The following PDF variants were observed in gnomAD, a reference collection of about 807,000 sequenced individuals.
PDF encodes the protein peptide deformylase, mitochondrial.
PDF carries 31 observed loss-of-function variants against 20.3 expected under a neutral mutation model. The observed-to-expected ratio is 1.52, with a 90% CI of 1.15 to 2.06. PDF has a LOEUF of 2.06. PDF is among the 30% of genes most tolerant of loss of function. PDF has a pLI of 0.00. For synonymous variants in PDF, 254 were observed against 172.0 expected (o/e 1.48, Z -3.73); for missense variants, 447 against 362.5 (o/e 1.23, Z -1.89).
rs1002918508 is a variant in PDF, at chr16:69,330,106, G to A, written c.465C>T (p.Asn155=). 8.8e-6 allele frequency: 14 copies of A among 1,583,574 alleles called. No homozygotes were observed. The highest frequency in any genetic ancestry group is 1.4e-5 in the African/African-American group (1 of 72,456). The change falls in exon 1 of 2, where the codon AAC becomes AAT. Residue 155 remains asparagine (N), a synonymous_variant. Coordinates refer to ENST00000288022, the MANE Select transcript of PDF (RefSeq NM_022341.2). ...MEPFPLRVFV[N]PSLRVLDSRL... ...GGCTGTCAAGCACTCGCAGGCTGGG[G>A]TTCACGAACACGCGCAGGGGGAAGG...
rs1236382015 is a variant in PDF at position 69,330,543 on chromosome 16, G to A, written c.28C>T (p.Leu10Phe). The A allele has an allele frequency of 9.5e-6, 14 of 1,476,352 alleles. No homozygotes were observed. The highest frequency in any genetic ancestry group is 2.6e-5 in the South Asian group (2 of 77,556). The allele number at this position is 1,476,352 out of a possible 1,614,324, so 91.5% of individuals were successfully genotyped here. The change falls in exon 1 of 2, where the codon CTT becomes TTT. Residue 10 changes from leucine (L) to phenylalanine (F), a missense_variant. Physicochemically the swap from Leu to Phe is conservative, Grantham distance 22. Coordinates refer to ENST00000288022, the MANE Select transcript of PDF (RefSeq NM_022341.2). MARLWGALSLWPLWAAVPWG... is the reference protein window; with the variant it reads MARLWGALSFWPLWAAVPWG... ...GGCACGGCCGCCCACAGTGGCCAAA[G>A]ACTCAGCGCGCCCCACAGCCGGGCC...
Position 69,329,099 on chromosome 16 carries a change from G to C in PDF, c.655C>G (p.Leu219Val). 1 of 1,612,124 alleles carries C rather than the reference G, an allele frequency of 6.2e-7. No individual in the cohort carries two copies. The highest frequency in any genetic ancestry group is 8.5e-7 in the Non-Finnish European group (1 of 1,179,628). Residue 219 changes from leucine (L) to valine (V), a missense_variant, in exon 2 of 2, where the codon CTG (leucine) becomes GTG (valine). Coordinates refer to ENST00000288022, the MANE Select transcript of PDF (RefSeq NM_022341.2). ...ARIIQHEMDHLQGCLFIDKMD... is the reference protein window; with the variant it reads ...ARIIQHEMDHVQGCLFIDKMD... ...TTGTCAATAAACAGGCAGCCCTGCA[G>C]GTGGTCCATCTCGTGCTGGATGATG...
In PDF at chr16:69,330,526, C is replaced by T. The variant is rs978025503; in HGVS notation, c.45G>A (p.Ala15=). Residue 15 remains alanine, a synonymous_variant, in exon 1 of 2, where the codon GCG becomes GCA. Transcript: ENST00000288022. ...WGALSLWPLW[A]AVPWGGAAAV... ...CTGCCGCCCCGCCCCACGGCACGGC[C>T]GCCCACAGTGGCCAAAGACTCAGCG... 1.4e-6 allele frequency: 2 copies of T among 1,476,604 alleles called. No homozygotes were observed. The highest frequency in any genetic ancestry group is 1.8e-6 in the Non-Finnish European group (2 of 1,122,592). 91.5% of individuals were successfully genotyped at this position (1,476,604 alleles called of 1,614,324 possible).
In PDF at chr16:69,330,539, C is replaced by T; in HGVS notation, c.32G>A (p.Trp11Ter). MARLWGALSL[W>*]PLWAAVPWGG... is the part of the protein sequence containing the mutation. Reference sequence around the variant, plus strand: ...CCACGGCACGGCCGCCCACAGTGGCCAAAGACTCAGCGCGCCCCACAGCCG... The same window carrying T: ...CCACGGCACGGCCGCCCACAGTGGCTAAAGACTCAGCGCGCCCCACAGCCG... The change falls in exon 1 of 2, where the codon TGG becomes TAG. Residue 11 changes from tryptophan (W) to a stop codon, truncating the protein, a stop_gained. Transcript: ENST00000288022. LOFTEE classifies it high-confidence loss of function. The T allele has an allele frequency of 6.8e-7, 1 of 1,478,854 alleles. No homozygotes were observed. The highest frequency in any genetic ancestry group is 8.9e-7 in the Non-Finnish European group (1 of 1,123,698). The allele number at this position is 1,478,854 out of a possible 1,614,324, so 91.6% of individuals were successfully genotyped here. A position where few individuals can be genotyped will look rare whatever the true frequency, so the allele number is the denominator to read the frequency against.
rs1057315956 is a variant in PDF at position 69,328,811 on chromosome 16, TCTC to T, written c.*208_*210del. On this transcript the variant is annotated 3_prime_UTR_variant, in exon 2 of 2. Coordinates refer to ENST00000288022, the MANE Select transcript of PDF (RefSeq NM_022341.2). ...TGTCCACTCCTTTGGGGGTGATTTT[TCTC>T]CTCAAGTTGTAGCCAACATTTTGTC... 9.7e-5 allele frequency: 59 copies of T among 607,138 alleles called. No homozygotes were observed. Among genetic ancestry groups the T allele is most frequent in the East Asian group, 5.5e-4 (17 of 31,176 alleles). The allele number at this position is 607,138 out of a possible 1,614,324, so 37.6% of individuals were successfully genotyped here.
intron 1 of PDF, among the ~76,000 whole-genome samples, chr16:69,329,470 T>C (rs557158340): frequency 7.9e-5 from 12 of 152,350 alleles, no homozygotes; most frequent in Admixed American, 1.3e-4. Flanking sequence ...CTCCCACTTC[T>C]GAGGTACCTG....
In PDF at chr16:69,329,158, T is replaced by C. The variant is rs1567428330; in HGVS notation, c.596A>G (p.Gln199Arg). ...CCACCCGCTCGCCTGCCACACCACC[T>C]GTTCTCCATTGGGGTCCAGCCCTGC... ...QISGLDPNGE[Q>R]VVWQASGWAA... Residue 199 changes from glutamine to arginine, a missense_variant, in exon 2 of 2, where the codon CAG (glutamine) becomes CGG (arginine). Gln to Arg is a conservative substitution (Grantham distance 43). Coordinates refer to ENST00000288022, the MANE Select transcript of PDF (RefSeq NM_022341.2). 3 of 1,606,788 alleles carry C rather than the reference T, an allele frequency of 1.9e-6. No homozygotes were observed. Among genetic ancestry groups the C allele is most frequent in the Non-Finnish European group, 2.5e-6 (3 of 1,178,342 alleles).
intron 1 of PDF, among the ~76,000 whole-genome samples, chr16:69,329,650 C>T (rs1310147824): frequency 2.0e-5 from 3 of 152,254 alleles, no homozygotes; most frequent in Admixed American, 6.5e-5. Flanking sequence ...GCCCCCTGGG[C>T]TGGGTCAGGC....
chr16:69,328,878 T>A lies in PDF; in HGVS notation c.*144A>T, dbSNP rs1236607668. The A allele has an allele frequency of 6.5e-6, 7 of 1,074,486 alleles. No homozygotes were observed. The highest frequency in any genetic ancestry group is 5.3e-6 in the Non-Finnish European group (4 of 758,294). The allele number at this position is 1,074,486 out of a possible 1,614,324, so 66.6% of individuals were successfully genotyped here. On this transcript the variant is annotated 3_prime_UTR_variant, in exon 2 of 2. Transcript: ENST00000288022. ...AGGGCAAACATTTCTGACATCTTCC[T>A]CCAGCTCAGTCTGCCATGCCTTGGC...
In PDF at chr16:69,330,394, A is replaced by G; in HGVS notation, c.177T>C (p.Pro59=). 1 of 1,479,004 alleles carries G rather than the reference A, an allele frequency of 6.8e-7. No homozygotes were observed. The highest frequency in any genetic ancestry group is 8.9e-7 in the Non-Finnish European group (1 of 1,122,716). 91.6% of individuals were successfully genotyped at this position (1,479,004 alleles called of 1,614,324 possible). A position where few individuals can be genotyped will look rare whatever the true frequency, so the allele number is the denominator to read the frequency against. ...ACACGTGCGAGAACGGCGGTTCGGG[A>G]GGACCCAGCACCAGACGCCTCAGGT... ...WRHLRRLVLG[P]PEPPFSHVCQ... Residue 59 remains proline (P), a synonymous_variant, in exon 1 of 2, where the codon CCT becomes CCC. Transcript: ENST00000288022.
chr16:69,329,336 C>A (rs185591591), intron 1 of PDF, among the ~76,000 whole-genome samples, 157 bp from the exon 2 acceptor site: 1 of 152,226 alleles, frequency 6.6e-6, no homozygotes, highest in East Asian at 1.9e-4. Context: ...TGGAAAACGT[C>A]CCTCATCTCG....
rs763394723 is a variant in PDF, at chr16:69,328,977, G to C, written c.*45C>G. On this transcript the variant is annotated 3_prime_UTR_variant, in exon 2 of 2. Transcript: ENST00000288022. The stretch of plus-strand genomic sequence containing the variant: ...GATTTGCCCAGCTCAAAGTGAAAGT[G>C]TTTGCGTCTTGGTATCCGGAATCCT... The C allele has an allele frequency of 6.3e-7, 1 of 1,584,278 alleles. No homozygotes were observed.
rs528413048 is a variant in PDF, at chr16:69,330,319, C to T, written c.252G>A (p.Arg84=). The T allele has an allele frequency of 2.1e-5, 30 of 1,443,428 alleles. 1 individual carries two copies. Among genetic ancestry groups the T allele is most frequent in the African/African-American group, 7.4e-5 (5 of 67,282 alleles). The allele number at this position is 1,443,428 out of a possible 1,614,324, so 89.4% of individuals were successfully genotyped here. ...GCAGCTCGGGCCCGCCTAGCTGCGC[C>T]CGCTCCACCGGGGCCGCCACGCCGC... is the stretch of plus-strand genomic sequence containing the variant. ...VLRGVAAPVE[R]AQLGGPELQR... is the part of the protein sequence containing the mutation. Residue 84 remains arginine (R), a synonymous_variant, in exon 1 of 2, where the codon CGG becomes CGA. Coordinates refer to ENST00000288022, the MANE Select transcript of PDF (RefSeq NM_022341.2).
In PDF at chr16:69,327,988, A is replaced by AGGCTGGATGGAGTGCAGT. The variant is rs1965656167; in HGVS notation, c.*1016_*1033dup. Reference sequence around the variant, plus strand: ...ACTTTTGAGTCTCGCTCTGTCGCCCAGGCTGGATGGAGTGCAGTGGCGTGA... The same window carrying AGGCTGGATGGAGTGCAGT: ...ACTTTTGAGTCTCGCTCTGTCGCCCAGGCTGGATGGAGTGCAGTGGCTGGATGGAGTGCAGTGGCGTGA... On this transcript the variant is annotated 3_prime_UTR_variant, in exon 2 of 2. Coordinates refer to ENST00000288022, the MANE Select transcript of PDF (RefSeq NM_022341.2). The AGGCTGGATGGAGTGCAGT allele has an allele frequency of 6.6e-6, 1 of 151,188 alleles. No homozygotes were observed. Among genetic ancestry groups the AGGCTGGATGGAGTGCAGT allele is most frequent in the African/African-American group, 2.4e-5 (1 of 41,344 alleles). The allele number at this position is 151,188 out of a possible 1,614,324, so 9.4% of individuals were successfully genotyped here.
In PDF at chr16:69,329,197, G is replaced by A; in HGVS notation, c.575-18C>T. 3 of 1,571,094 alleles carry A rather than the reference G, an allele frequency of 1.9e-6. No homozygotes were observed. Among genetic ancestry groups the A allele is most frequent in the Non-Finnish European group, 2.6e-6 (3 of 1,163,322 alleles). ...GTCCAGCCCTGCAAAGGAAGTTACA[G>A]CCCTGGTGAGTGGGAACAGCTGAAC... On this transcript the variant is annotated intron_variant, in intron 1 of 1. Coordinates refer to ENST00000288022, the MANE Select transcript of PDF (RefSeq NM_022341.2).
chr16:69,329,974 G>A (rs1249384845), intron 1 of PDF, 23 bp downstream of exon 1: 16 of 1,513,550 alleles, frequency 1.1e-5, no homozygotes, highest in African/African-American at 1.0e-4. Context: ...TGCTCCAGCA[G>A]CCCCGGTCCC....
rs532018045 is a variant in PDF, at chr16:69,330,506, G to T, written c.65C>A (p.Ala22Glu). 4.7e-5 allele frequency: 69 copies of T among 1,471,984 alleles called. No homozygotes were observed. In the African/African-American group the frequency reaches 9.4e-4, roughly 20 times the overall value. 91.2% of individuals were successfully genotyped at this position (1,471,984 alleles called of 1,614,324 possible). A position where few individuals can be genotyped will look rare whatever the true frequency, so the allele number is the denominator to read the frequency against. ...GCAAGCCCGGACACCGACGGCTGCCGCCCCGCCCCACGGCACGGCCGCCCA... is the reference window on the plus strand; with the variant it reads ...GCAAGCCCGGACACCGACGGCTGCCTCCCCGCCCCACGGCACGGCCGCCCA... ...PLWAAVPWGG[A>E]AAVGVRACSS... The change falls in exon 1 of 2, where the codon GCG (alanine) becomes GAG (glutamate). Residue 22 changes from alanine (A) to glutamate (E), a missense_variant. Transcript: ENST00000288022.
chr16:69,330,467 G>A lies in PDF; in HGVS notation c.104C>T (p.Ala35Val). 2.0e-6 allele frequency: 3 copies of A among 1,471,784 alleles called. No homozygotes were observed. Among genetic ancestry groups the A allele is most frequent in the Admixed American group, 2.5e-5 (1 of 40,696 alleles). 91.2% of individuals were successfully genotyped at this position (1,471,784 alleles called of 1,614,324 possible). ...CGCCGGGCCCTCGACGCCGTCCGGG[G>A]CGGCCGTGGAGCTGCAAGCCCGGAC... ...VGVRACSSTAAPDGVEGPALR... is the reference protein window; with the variant it reads ...VGVRACSSTAVPDGVEGPALR... Residue 35 changes from alanine to valine, a missense_variant, in exon 1 of 2, where the codon GCC becomes GTC. Physicochemically the swap from Ala to Val is moderately conservative, Grantham distance 64. Coordinates refer to ENST00000288022, the MANE Select transcript of PDF (RefSeq NM_022341.2).
rs1308662799 is a variant in PDF at position 69,329,059 on chromosome 16, G to A, written c.695C>T (p.Thr232Met). The change falls in exon 2 of 2, where the codon ACG becomes ATG. Residue 232 changes from threonine to methionine, a missense_variant. By Grantham distance (81) the Thr-to-Met change is moderately conservative. Coordinates refer to ENST00000288022, the MANE Select transcript of PDF (RefSeq NM_022341.2). ...CLFIDKMDSR[T>M]FTNVYWMKVN... is the part of the protein sequence containing the mutation. ...CTTCATCCAATAGACGTTTGTGAAC[G>A]TCCTGCTGTCCATTTTGTCAATAAA... The A allele has an allele frequency of 6.2e-7, 1 of 1,611,746 alleles. No individual in the cohort carries two copies. The highest frequency in any genetic ancestry group is 8.5e-7 in the Non-Finnish European group (1 of 1,179,380).
Sources: gnomAD v4.1 joint callset for allele counts (sites outside exome capture counted in the v4.1 genomes callset) on GRCh38, gnomAD v4.1.1 for gene constraint, MANE v1.5 for transcripts, NCBI Gene and HGNC (gene_info 2026-07-23, HGNC 2026-07-21) for gene names.